The following SNAP91 variants were observed in gnomAD, a reference collection of about 807,000 sequenced individuals.
The protein encoded by SNAP91 is synaptosome associated protein 91, also known as clathrin coat assembly protein AP180.
In SNAP91, 27 loss-of-function variants were observed where a neutral mutation model predicts 100.3. The ratio of observed to expected loss-of-function variants is 0.27; its 90% CI spans 0.20 to 0.37. SNAP91 has a LOEUF of 0.37. Among genes scored for constraint, SNAP91 ranks in the 10% least tolerant of loss-of-function variants. SNAP91 has a pLI of 1.00. For missense variants in SNAP91, 986 were observed against 1,123.7 expected (o/e 0.88, Z 1.75); for synonymous variants, 404 against 398.6 (o/e 1.01, Z -0.16).
At position 83,582,249 on chromosome 6, in the gene SNAP91, A is replaced by C. The variant is rs1582220366; in HGVS notation, c.2122T>G (p.Ser708Ala). ...EAAFGTTPSTSSSSSFDPSVF... is the reference protein window; with the variant it reads ...EAAFGTTPSTASSSSFDPSVF... ...GATGGATCAAAGGAGCTGCTGCTGGAAGTTGAAGGCGTTGTCCCAAAAGCT... is the reference window on the plus strand; with the variant it reads ...GATGGATCAAAGGAGCTGCTGCTGGCAGTTGAAGGCGTTGTCCCAAAAGCT... Residue 708 changes from serine to alanine, a missense_variant, in exon 23 of 30, where the codon TCC (serine) becomes GCC (alanine). Ser to Ala is a moderately conservative substitution (Grantham distance 99). Around this residue, in one of 4 missense-constraint regions of SNAP91, gnomAD observed 575 missense variants for 579.9 expected, o/e 0.99. Coordinates refer to ENST00000369694, the MANE Select transcript of SNAP91 (RefSeq NM_001242792.2). The C allele has an allele frequency of 1.2e-6, 2 of 1,613,692 alleles. No homozygotes were observed. The highest frequency in any genetic ancestry group is 1.6e-4 in the Middle Eastern group (1 of 6,062).
chr6:83,680,281 ATAAG>A (rs2098970449), intron 2 of SNAP91, among the ~76,000 whole-genome samples: 1 of 152,202 alleles, frequency 6.6e-6, no homozygotes, highest in African/African-American at 2.4e-5. Context: ...TTCAAAAGGA[ATAAG>A]TAAGGTTTTA....
At chr6:83,656,525 G>A (rs891997245) in intron 7 of SNAP91, among the ~76,000 whole-genome samples, 1 of 152,120 alleles carries the variant, frequency 6.6e-6, no homozygotes, top group Non-Finnish European at 1.5e-5. Context: ...TACTAGGGGT[G>A]GTTAGCAGCA....
At chr6:83,681,513 A>T (rs1458000100) in intron 2 of SNAP91, among the ~76,000 whole-genome samples, 1 of 152,204 alleles carries the variant, frequency 6.6e-6, no homozygotes, top group African/African-American at 2.4e-5. Context: ...ACATATACAA[A>T]AATCCACAGA....
rs150941684 is a variant in SNAP91, at chr6:83,590,078, T to C, written c.2014+1133A>G. On this transcript the variant is annotated intron_variant, in intron 22 of 29. Transcript: ENST00000369694. ...GTGACCCATGCTCTCGTCAGCCCCT[T>C]GTCAACCTTAGGACCAAAATTCAAC... 2.7e-4 allele frequency among the ~76,000 whole-genome samples: 41 copies of C among 152,266 alleles called. No homozygotes were observed. The East Asian group carries it at 7.0e-3, about 26-fold the overall frequency.
chr6:83,663,921 A>G (rs1184198811), intron 3 of SNAP91, among the ~76,000 whole-genome samples: 1 of 152,148 alleles, frequency 6.6e-6, no homozygotes, highest in Non-Finnish European at 1.5e-5. Flanking sequence ...GCAGCTGATG[A>G]CATGAAGTGA....
At chr6:83,618,756 T>C (rs2096598086) in intron 9 of SNAP91, among the ~76,000 whole-genome samples, 1 of 151,946 alleles carries the variant, frequency 6.6e-6, no homozygotes, top group Non-Finnish European at 1.5e-5. Flanking sequence ...TTCATATTTA[T>C]ATTTTTTCAT....
At position 83,678,758 on chromosome 6, in the gene SNAP91, T is replaced by C. The variant is rs959441343; in HGVS notation, c.131-13177A>G. The C allele has an allele frequency of 7.8e-6, 10 of 1,289,516 alleles. No homozygotes were observed. The African/African-American group carries it at 1.1e-4, about 14-fold the overall frequency. The allele number at this position is 1,289,516 out of a possible 1,614,324, so 79.9% of individuals were successfully genotyped here. ...ATCTCCCAGCATTATCCCACCTCTTTGGCCTTACCAAAGCCTTACTGTTAT... is the reference window on the plus strand; with the variant it reads ...ATCTCCCAGCATTATCCCACCTCTTCGGCCTTACCAAAGCCTTACTGTTAT... On this transcript the variant is annotated intron_variant, in intron 2 of 29. Transcript: ENST00000369694.
intron 7 of SNAP91, among the ~76,000 whole-genome samples, chr6:83,652,833 C>A (rs1482613386): frequency 6.6e-6 from 1 of 152,104 alleles, no homozygotes; most frequent in Non-Finnish European, 1.5e-5. Context: ...AAAGTCTTCT[C>A]TTTCACTTTT....
rs531150536 is a variant in SNAP91 at position 83,575,197 on chromosome 6, A to G, written c.2331-76T>C. ...AAAAAAATGGTGTGTGGCTCCTTAGATTATTTTATTTGGGTTTAAAAGCAG... is the reference window on the plus strand; with the variant it reads ...AAAAAAATGGTGTGTGGCTCCTTAGGTTATTTTATTTGGGTTTAAAAGCAG... On this transcript the variant is annotated intron_variant, in intron 25 of 29. Transcript: ENST00000369694. 6.0e-5 allele frequency: 60 copies of G among 1,005,506 alleles called. No homozygotes were observed. In the East Asian group the frequency reaches 1.5e-3, roughly 25 times the overall value. 62.3% of individuals were successfully genotyped at this position (1,005,506 alleles called of 1,614,324 possible). A position where few individuals can be genotyped will look rare whatever the true frequency, so the allele number is the denominator to read the frequency against.
chr6:83,617,294 G>C (rs994413469), intron 9 of SNAP91, among the ~76,000 whole-genome samples: 3 of 151,974 alleles, frequency 2.0e-5, no homozygotes, highest in African/African-American at 7.2e-5. Context: ...GATTACATTG[G>C]ATAGACTTTT....
At chr6:83,658,581 G>A (rs964550395) in intron 6 of SNAP91, among the ~76,000 whole-genome samples, 1 of 152,106 alleles carries the variant, frequency 6.6e-6, no homozygotes, top group East Asian at 1.9e-4. Flanking sequence ...ACTCCAGCCT[G>A]GGTGACAGAG....
At chr6:83,700,488 T>C (rs2099277979) in intron 2 of SNAP91, among the ~76,000 whole-genome samples, 2 of 151,998 alleles carry the variant, frequency 1.3e-5, no homozygotes, top group South Asian at 4.2e-4. Context: ...GTATTTTACA[T>C]GCATTATCTT....
At chr6:83,605,367 GA>G (rs2095545332) in intron 14 of SNAP91, among the ~76,000 whole-genome samples, 1 of 151,882 alleles carries the variant, frequency 6.6e-6, no homozygotes, top group Non-Finnish European at 1.5e-5. Context: ...AGTCTCTAGA[GA>G]ACAATTACTA....
intron 22 of SNAP91, among the ~76,000 whole-genome samples, chr6:83,582,862 G>T (rs1438558949): frequency 6.6e-6 from 1 of 152,128 alleles, no homozygotes; most frequent in African/African-American, 2.4e-5. Flanking sequence ...CCGCAACCCT[G>T]CTCTCTGGAT....
chr6:83,680,352 T>C (rs532170103), intron 2 of SNAP91, among the ~76,000 whole-genome samples: 6 of 152,164 alleles, frequency 3.9e-5, no homozygotes, highest in Non-Finnish European at 8.8e-5. Context: ...ACTTCTGTTC[T>C]TGTTTTCATT....
chr6:83,666,511 A>G (rs2098689110), intron 2 of SNAP91, among the ~76,000 whole-genome samples: 2 of 152,032 alleles, frequency 1.3e-5, no homozygotes, highest in African/African-American at 4.8e-5. Context: ...CATGCAACAA[A>G]CATGCGCTTG....
chr6:83,570,591 G>A (rs927456605), intron 26 of SNAP91, among the ~76,000 whole-genome samples: 1 of 151,908 alleles, frequency 6.6e-6, no homozygotes, highest in Non-Finnish European at 1.5e-5. Flanking sequence ...TGGGCCCAGG[G>A]TCCCTGTGCT....
intron 22 of SNAP91, among the ~76,000 whole-genome samples, chr6:83,587,000 G>C (rs2092768921): frequency 6.6e-6 from 1 of 151,968 alleles, no homozygotes; most frequent in Non-Finnish European, 1.5e-5. Flanking sequence ...TTCTGGAATT[G>C]GTATTATCTG....
intron 11 of SNAP91, among the ~76,000 whole-genome samples, chr6:83,613,273 G>A (rs1448686763): frequency 1.3e-5 from 2 of 152,028 alleles, no homozygotes; most frequent in Non-Finnish European, 2.9e-5. Flanking sequence ...TTGAAAGGAA[G>A]GAACTCATCC....
Sources: gnomAD v4.1 joint callset for allele counts (sites outside exome capture counted in the v4.1 genomes callset) on GRCh38, gnomAD v4.1.1 for gene constraint, gnomAD v4.1.1 regional missense constraint, MANE v1.5 for transcripts, NCBI Gene and HGNC (gene_info 2026-07-23, HGNC 2026-07-21) for gene names.